MACROD2: variants seen among roughly 807,000 people sequenced by gnomAD.
MACROD2 encodes the protein mono-ADP ribosylhydrolase 2, also known as ADP-ribose glycohydrolase MACROD2.
In MACROD2, 36 loss-of-function variants were observed where a neutral mutation model predicts 70.4. That is an observed-to-expected ratio of 0.51 (90% CI 0.39 to 0.68). MACROD2 has a LOEUF of 0.68. Among genes scored for constraint, MACROD2 ranks in the 30% least tolerant of loss-of-function variants. The pLI, the probability that MACROD2 is intolerant of heterozygous loss-of-function variation, is 0.00. For missense variants in MACROD2, 496 were observed against 538.4 expected (o/e 0.92, Z 0.78); for synonymous variants, 172 against 178.8 (o/e 0.96, Z 0.30).
chr20:15,142,968 A>T (rs1230535347), intron 5 of MACROD2, among the ~76,000 whole-genome samples: 1 of 152,110 alleles, frequency 6.6e-6, no homozygotes, highest in East Asian at 1.9e-4. Flanking sequence ...GCTGCAATAA[A>T]CATATGTGTG....
At chr20:15,338,926 TG>T (rs2078078070) in intron 6 of MACROD2, among the ~76,000 whole-genome samples, 1 of 151,828 alleles carries the variant, frequency 6.6e-6, no homozygotes, top group Non-Finnish European at 1.5e-5. Flanking sequence ...TGATACACTT[TG>T]GAATGGTACA....
At chr20:16,024,816 A>AT (rs945790076) in intron 15 of MACROD2, among the ~76,000 whole-genome samples, 2 of 151,794 alleles carry the variant, frequency 1.3e-5, no homozygotes, top group African/African-American at 2.4e-5. Flanking sequence ...CAACTTTCAA[A>AT]TTTTTTTTTA....
intron 5 of MACROD2, among the ~76,000 whole-genome samples, chr20:15,062,529 G>GT: frequency 6.6e-6 from 1 of 150,956 alleles, no homozygotes; most frequent in Non-Finnish European, 1.5e-5. Context: ...CATGATACCT[G>GT]TAAAAAAAAA....
At position 15,958,215 on chromosome 20, in the gene MACROD2, T is replaced by G. The variant is rs560727657; in HGVS notation, c.908-9338T>G. Reference sequence around the variant, plus strand: ...ACTCTAATCCTGCTGCAAGCATTTTTAAAATACTGAAACATTTACATAGTG... The same window carrying G: ...ACTCTAATCCTGCTGCAAGCATTTTGAAAATACTGAAACATTTACATAGTG... On this transcript the variant is annotated intron_variant, in intron 12 of 17. Coordinates refer to ENST00000684519, the MANE Select transcript of MACROD2 (RefSeq NM_001351661.2). Among the ~76,000 whole-genome samples, 64 of 152,326 alleles carry G rather than the reference T, an allele frequency of 4.2e-4. 4 individuals carry two copies. The South Asian group carries it at 0.013, about 31-fold the overall frequency.
At chr20:14,193,040 A>G (rs2081401048) in intron 3 of MACROD2, among the ~76,000 whole-genome samples, 2 of 152,240 alleles carry the variant, frequency 1.3e-5, no homozygotes, top group African/African-American at 4.8e-5. Flanking sequence ...TCATCTAAAT[A>G]GGGGGCTCCT....
chr20:15,468,688 G>A (rs535386331), intron 7 of MACROD2, among the ~76,000 whole-genome samples: 63 of 152,072 alleles, frequency 4.1e-4, no homozygotes, highest in Admixed American at 1.2e-3. Flanking sequence ...TCTATTATCC[G>A]TCTTCTGCTG....
intron 8 of MACROD2, among the ~76,000 whole-genome samples, chr20:15,530,716 C>CAAAAAAAAAAAAA (rs57826871): frequency 1.1e-5 from 1 of 90,594 alleles, no homozygotes; most frequent in African/African-American, 3.9e-5. Context: ...CTCCATCTCA[C>CAAAAAAAAAAAAA]AAAAAAAAAA....
At chr20:15,313,128 T>C (rs781105835) in intron 6 of MACROD2, among the ~76,000 whole-genome samples, 3 of 152,174 alleles carry the variant, frequency 2.0e-5, no homozygotes, top group Non-Finnish European at 4.4e-5. Flanking sequence ...ATTTTCTCCT[T>C]AATATATCAG....
chr20:14,048,171 G>T (rs1445094502), intron 2 of MACROD2, among the ~76,000 whole-genome samples: 4 of 152,132 alleles, frequency 2.6e-5, no homozygotes, highest in African/African-American at 9.6e-5. Context: ...CAAAGAAGAA[G>T]GCTTTAATCT....
chr20:14,546,203 T>C (rs2085490211), intron 4 of MACROD2, among the ~76,000 whole-genome samples: 1 of 152,158 alleles, frequency 6.6e-6, no homozygotes, highest in Non-Finnish European at 1.5e-5. Context: ...ATAGTAAAAA[T>C]TTGTTGCAAA....
At chr20:15,870,926 C>T (rs1426539264) in intron 9 of MACROD2, among the ~76,000 whole-genome samples, 2 of 152,088 alleles carry the variant, frequency 1.3e-5, no homozygotes, top group Non-Finnish European at 2.9e-5. Flanking sequence ...CGCCTGCAAT[C>T]CCAGCACTTT....
chr20:14,321,936 G>A lies in MACROD2; in HGVS notation c.272-171543G>A, dbSNP rs142342713. Among the ~76,000 whole-genome samples the A allele has an allele frequency of 5.9e-5, 9 of 151,712 alleles. No individual in the cohort carries two copies. The South Asian group carries it at 1.9e-3, about 32-fold the overall frequency. Reference sequence around the variant, plus strand: ...ATTTTTGATTTTTGTCAAACATTTAGCAAGGGAGTAATTTTTTTCCTCTAG... The same window carrying A: ...ATTTTTGATTTTTGTCAAACATTTAACAAGGGAGTAATTTTTTTCCTCTAG... On this transcript the variant is annotated intron_variant, in intron 3 of 17. Transcript: ENST00000684519.
At chr20:14,078,334 G>C (rs1418700785) in intron 2 of MACROD2, among the ~76,000 whole-genome samples, 2 of 152,142 alleles carry the variant, frequency 1.3e-5, no homozygotes, top group African/African-American at 4.8e-5. Context: ...AGTTATCGAG[G>C]ATCCTGTTTA....
intron 6 of MACROD2, among the ~76,000 whole-genome samples, chr20:15,325,103 C>G (rs1359887429): frequency 6.6e-6 from 1 of 151,380 alleles, no homozygotes; most frequent in East Asian, 1.9e-4. Context: ...CTAACTGTAT[C>G]CTCACCACCT....
At chr20:15,940,388 G>T (rs779501369) in intron 12 of MACROD2, among the ~76,000 whole-genome samples, 32 of 152,066 alleles carry the variant, frequency 2.1e-4, no homozygotes, top group Non-Finnish European at 4.1e-4. Context: ...GCACCACTGC[G>T]CCTGGCCTGA....
At chr20:14,078,065 G>C (rs1026707398) in intron 2 of MACROD2, among the ~76,000 whole-genome samples, 7 of 151,864 alleles carry the variant, frequency 4.6e-5, no homozygotes, top group Non-Finnish European at 1.0e-4. Context: ...ACCACGCCTG[G>C]CTAATTTTGT....
At position 15,167,228 on chromosome 20, in the gene MACROD2, C is replaced by T. The variant is rs117796251; in HGVS notation, c.419-62712C>T. 4.6e-4 allele frequency among the ~76,000 whole-genome samples: 70 copies of T among 152,146 alleles called. No individual in the cohort carries two copies. The East Asian group carries it at 6.8e-3, about 15-fold the overall frequency. On this transcript the variant is annotated intron_variant, in intron 5 of 17. Coordinates refer to ENST00000684519, the MANE Select transcript of MACROD2 (RefSeq NM_001351661.2). Reference sequence around the variant, plus strand: ...AAGAAGTGTGTAAAAGTGAAGTAAACGTTATAACACTTCTGAATATAACCA... The same window carrying T: ...AAGAAGTGTGTAAAAGTGAAGTAAATGTTATAACACTTCTGAATATAACCA...
chr20:16,035,778 AT>A (rs2067226554), intron 15 of MACROD2, among the ~76,000 whole-genome samples: 1 of 3,358 alleles, frequency 3.0e-4, no homozygotes, highest in Non-Finnish European at 0.013. Context: ...CAGGAAGTGT[AT>A]CCATCCACAT....
chr20:14,442,522 A>C (rs1438965734), intron 3 of MACROD2, among the ~76,000 whole-genome samples: 2 of 152,144 alleles, frequency 1.3e-5, no homozygotes, highest in African/African-American at 2.4e-5. Context: ...ATTTATTGGA[A>C]TAATACAAAC....
Sources: gnomAD v4.1 joint callset for allele counts (sites outside exome capture counted in the v4.1 genomes callset) on GRCh38, gnomAD v4.1.1 for gene constraint, MANE v1.5 for transcripts, NCBI Gene and HGNC (gene_info 2026-07-23, HGNC 2026-07-21) for gene names.